Variants in UGT1A9 observed in about 807,000 individuals in gnomAD.
UGT1A9 encodes the protein UDP glucuronosyltransferase family 1 member A9.
In UGT1A9, 35 loss-of-function variants were observed where a neutral mutation model predicts 45.0. The observed-to-expected ratio is 0.78, with a 90% CI of 0.59 to 1.03. The LOEUF (loss-of-function observed/expected upper bound fraction) is 1.03. UGT1A9 is among the 50% of genes least tolerant of loss of function. The probability of loss-of-function intolerance (pLI) is 0.00; values close to 1 mark genes in which losing one functional copy is unlikely to be tolerated. For synonymous variants in UGT1A9, 278 were observed against 250.6 expected, an observed-to-expected ratio of 1.11 and a Z score of -1.03; for missense variants, 687 against 666.6, an observed-to-expected ratio of 1.03 and a Z score of -0.34.
chr2:233,691,854 T>C (rs1363953364), intron 1 of UGT1A9: 1 of 158,488 alleles, frequency 6.3e-6, no homozygotes, highest in East Asian at 1.9e-4. Flanking sequence ...TATATTGTGA[T>C]GTATAATAAG....
At chr2:233,724,346 C>A (rs1441595042) in intron 1 of UGT1A9, among the ~76,000 whole-genome samples, 1 of 148,192 alleles carries the variant, frequency 6.7e-6, no homozygotes, top group East Asian at 2.1e-4. Flanking sequence ...GCTGACCCCC[C>A]CCACCTCCCT....
intron 1 of UGT1A9, chr2:233,760,489 A>C (rs756552149): frequency 6.2e-7 from 1 of 1,614,268 alleles, no homozygotes; most frequent in East Asian, 2.2e-5. Context: ...CTCGTTGTAC[A>C]TCAGAGACGG....
chr2:233,696,076 C>G (rs909359258), intron 1 of UGT1A9, among the ~76,000 whole-genome samples: 4 of 152,100 alleles, frequency 2.6e-5, no homozygotes, highest in Non-Finnish European at 5.9e-5. Flanking sequence ...CTATGAAGAA[C>G]AGTATGGAGA....
intron 1 of UGT1A9, chr2:233,693,715 C>T: frequency 6.2e-7 from 1 of 1,614,182 alleles, no homozygotes; most frequent in Non-Finnish European, 8.5e-7. Context: ...CAGCTGTCCT[C>T]AAGAGAGATG....
In UGT1A9 at chr2:233,772,793, T is replaced by C. The variant is rs532329443; in HGVS notation, c.*234T>C. 4.9e-6 allele frequency: 6 copies of C among 1,212,356 alleles called. No individual in the cohort carries two copies. The African/African-American group carries it at 9.2e-5, about 19-fold the overall frequency. 75.1% of individuals were successfully genotyped at this position (1,212,356 alleles called of 1,614,324 possible). ...TCTGGTGTCTTTGATCAGGATGACA[T>C]GTGCCATTTTTCAGAGGACGTGCAG... On this transcript the variant is annotated 3_prime_UTR_variant, in exon 5 of 5. Transcript: ENST00000354728.
chr2:233,758,555 A>G (rs1183009321), intron 1 of UGT1A9, among the ~76,000 whole-genome samples: 1 of 152,170 alleles, frequency 6.6e-6, no homozygotes, highest in African/African-American at 2.4e-5. Context: ...CTTGCCCAGA[A>G]TCTTGGTCCT....
chr2:233,735,799 G>A (rs61296714), intron 1 of UGT1A9, among the ~76,000 whole-genome samples: 5,119 of 152,182 alleles, frequency 0.034, 99 homozygotes, highest in African/African-American at 0.051. Context: ...GAATTTCTGG[G>A]TTGAAAATTC....
intron 1 of UGT1A9, among the ~76,000 whole-genome samples, chr2:233,696,635 G>A (rs2075353037): frequency 6.6e-6 from 1 of 151,978 alleles, no homozygotes; most frequent in African/African-American, 2.4e-5. Flanking sequence ...TTGCTTAATT[G>A]CTTTGGATAG....
At chr2:233,677,928 G>A (rs7571915) in intron 1 of UGT1A9, among the ~76,000 whole-genome samples, 45,618 of 151,884 alleles carry the variant, frequency 0.3, 7,178 homozygotes, top group South Asian at 0.4. Flanking sequence ...CTAGGTGCCC[G>A]TCAACAGTGG....
intron 1 of UGT1A9, among the ~76,000 whole-genome samples, chr2:233,734,381 T>A (rs1311461253): frequency 1.3e-5 from 2 of 152,186 alleles, no homozygotes; most frequent in Non-Finnish European, 2.9e-5. Context: ...TTGCCTTTAC[T>A]ATTTTTTATT....
intron 1 of UGT1A9, among the ~76,000 whole-genome samples, chr2:233,703,677 A>T (rs2075747505): frequency 6.6e-6 from 1 of 151,838 alleles, no homozygotes; most frequent in Admixed American, 6.6e-5. Flanking sequence ...TTCATGATAT[A>T]TTTTTTTTCC....
chr2:233,747,428 G>T (rs1427040404), intron 1 of UGT1A9: 12 of 1,608,630 alleles, frequency 7.5e-6, no homozygotes, highest in South Asian at 6.6e-5. Context: ...TCAAACAAGA[G>T]AAATTTTTCA....
Position 233,767,956 on chromosome 2 carries a change from T to A in UGT1A9, c.1075+20T>A. 6.2e-7 allele frequency: 1 copy of A among 1,614,192 alleles called. No individual in the cohort carries two copies. Among genetic ancestry groups the A allele is most frequent in the Non-Finnish European group, 8.5e-7 (1 of 1,180,026 alleles). ...TGCTTGGTATGTTGGGCGGATTGGATGTATAGGTCAAACCAGGGTCAAATT... is the reference window on the plus strand; with the variant it reads ...TGCTTGGTATGTTGGGCGGATTGGAAGTATAGGTCAAACCAGGGTCAAATT... On this transcript the variant is annotated intron_variant, in intron 3 of 4. Transcript: ENST00000354728.
intron 1 of UGT1A9, among the ~76,000 whole-genome samples, chr2:233,682,949 G>A (rs1575430315): frequency 6.6e-6 from 1 of 152,260 alleles, no homozygotes; most frequent in East Asian, 1.9e-4. Context: ...TTGTTGGGTA[G>A]CAAATTGTAT....
At chr2:233,747,780 C>T (rs1371324079) in intron 1 of UGT1A9, 2 of 1,613,384 alleles carry the variant, frequency 1.2e-6, no homozygotes, top group Non-Finnish European at 1.7e-6. Flanking sequence ...GTGTCCAAAT[C>T]CTTCCTCCTA....
Position 233,769,857 on chromosome 2 carries a change from CAAAAAA to C in UGT1A9, c.1295+1430_1295+1435del. 2.7e-5 allele frequency: 6 copies of C among 223,658 alleles called. No homozygotes were observed. Among genetic ancestry groups the C allele is most frequent in the Non-Finnish European group, 3.2e-5 (4 of 125,112 alleles). The allele number at this position is 223,658 out of a possible 1,614,324, so 13.9% of individuals were successfully genotyped here. On this transcript the variant is annotated intron_variant, in intron 4 of 4. Transcript: ENST00000354728. This position sits in a 1 kb window ranked among gnomAD's most constrained non-coding sequence, Gnocchi z 4.4. ...TGGGCAACAGAGTGAGACCCTGTCT[CAAAAAA>C]AAAAAAAAAAATGAAAAGTCCACAT...
chr2:233,737,653 G>C (rs567057644), intron 1 of UGT1A9, among the ~76,000 whole-genome samples: 4 of 152,320 alleles, frequency 2.6e-5, no homozygotes, highest in African/African-American at 9.6e-5. Context: ...CATGCTGGGA[G>C]CTGCAGATCG....
intron 1 of UGT1A9, among the ~76,000 whole-genome samples, chr2:233,725,098 A>G (rs1201053871): frequency 1.4e-5 from 2 of 143,348 alleles, no homozygotes; most frequent in Non-Finnish European, 3.0e-5. Context: ...GAGGCAGGAG[A>G]ATCAGGCAGG....
At chr2:233,674,681 G>A (rs2074292796) in intron 1 of UGT1A9, among the ~76,000 whole-genome samples, 1 of 152,118 alleles carries the variant, frequency 6.6e-6, no homozygotes, top group Non-Finnish European at 1.5e-5. Context: ...GTGTTTATGT[G>A]TCTATTAAAG....
Sources: gnomAD v4.1 joint callset for allele counts (sites outside exome capture counted in the v4.1 genomes callset) on GRCh38, gnomAD v4.1.1 for gene constraint, Gnocchi (gnomAD v3.1) non-coding constraint, MANE v1.5 for transcripts, NCBI Gene and HGNC (gene_info 2026-07-23, HGNC 2026-07-21) for gene names.